The following ADAP2 variants were observed in gnomAD, a reference collection of about 807,000 sequenced individuals.
ADAP2 encodes ArfGAP with dual PH domains 2.
In ADAP2, 42 loss-of-function variants were observed where a neutral mutation model predicts 54.9. The observed-to-expected ratio is 0.77, with a 90% CI of 0.60 to 0.99. The LOEUF (loss-of-function observed/expected upper bound fraction) is 0.99, where lower values mean the gene tolerates loss of function less well. Among genes scored for constraint, ADAP2 ranks in the 50% least tolerant of loss-of-function variants. The probability of loss-of-function intolerance (pLI) is 0.00; values close to 1 mark genes in which losing one functional copy is unlikely to be tolerated. For missense variants in ADAP2, 429 were observed against 480.4 expected (o/e 0.89, Z 1.00); for synonymous variants, 177 against 180.1 (o/e 0.98, Z 0.14).
At chr17:30,942,876 G>A (rs967977323) in intron 5 of ADAP2, among the ~76,000 whole-genome samples, 1 of 152,190 alleles carries the variant, frequency 6.6e-6, no homozygotes, top group Non-Finnish European at 1.5e-5. Flanking sequence ...CAGAATGACT[G>A]TTATCAAAAA....
chr17:30,953,770 C>A (rs1056890053), intron 8 of ADAP2, among the ~76,000 whole-genome samples: 1 of 152,152 alleles, frequency 6.6e-6, no homozygotes, highest in Non-Finnish European at 1.5e-5. Flanking sequence ...CTCCTGACCT[C>A]AAGCGATCTG....
At chr17:30,951,654 C>CTT (rs1053982493) in intron 7 of ADAP2, among the ~76,000 whole-genome samples, 29 of 121,026 alleles carry the variant, frequency 2.4e-4, no homozygotes, top group Non-Finnish European at 3.4e-4. Flanking sequence ...CTTTTCTTTT[C>CTT]TTTTTTTTTT....
chr17:30,949,702 T>C (rs1265143450), intron 7 of ADAP2, among the ~76,000 whole-genome samples: 1 of 135,558 alleles, frequency 7.4e-6, no homozygotes, highest in Non-Finnish European at 1.5e-5. Context: ...TGAGCCCAGA[T>C]GGCGCCGCTG....
At position 30,928,394 on chromosome 17, in the gene ADAP2, G is replaced by A. The variant is rs568433133; in HGVS notation, c.317+1476G>A. Reference sequence around the variant, plus strand: ...GCCTGTAGTCCCAGCTACTCGAGAGGCTGAGGGAGGAGAATCGCTTGAACC... The same window carrying A: ...GCCTGTAGTCCCAGCTACTCGAGAGACTGAGGGAGGAGAATCGCTTGAACC... On this transcript the variant is annotated intron_variant, in intron 3 of 10. Coordinates refer to ENST00000330889, the MANE Select transcript of ADAP2 (RefSeq NM_018404.3). 2.7e-3 allele frequency among the ~76,000 whole-genome samples: 414 copies of A among 152,000 alleles called. 1 individual carries two copies. Among genetic ancestry groups the A allele is most frequent in the African/African-American group, 9.7e-3 (401 of 41,438 alleles).
chr17:30,923,607 T>C (rs573770019), intron 2 of ADAP2, among the ~76,000 whole-genome samples: 1 of 151,704 alleles, frequency 6.6e-6, no homozygotes, highest in Admixed American at 6.6e-5. Context: ...GGCCCTGAGC[T>C]AGGTACTTTG....
At chr17:30,927,799 C>T (rs1009041553) in intron 3 of ADAP2, among the ~76,000 whole-genome samples, 8 of 151,798 alleles carry the variant, frequency 5.3e-5, no homozygotes, top group Middle Eastern at 3.2e-3. Context: ...GTGGGAGGAT[C>T]GCTTGAAGAT....
At chr17:30,934,320 G>A (rs1457551495) in intron 5 of ADAP2, 23 bp downstream of exon 5, 1 of 1,546,112 alleles carries the variant, frequency 6.5e-7, no homozygotes, top group Admixed American at 1.7e-5. Flanking sequence ...ACCAATGAGA[G>A]CAGGTCCCTT....
Position 30,944,979 on chromosome 17 carries a change from C to A in ADAP2, c.583C>A (p.Pro195Thr), listed in dbSNP as rs905304009. 3.4e-5 allele frequency: 55 copies of A among 1,613,946 alleles called. No homozygotes were observed. Among genetic ancestry groups the A allele is most frequent in the Non-Finnish European group, 4.5e-5 (53 of 1,180,012 alleles). The change falls in exon 6 of 11, where the codon CCC becomes ACC. Residue 195 changes from proline to threonine, a missense_variant. Physicochemically the swap from Pro to Thr is conservative, Grantham distance 38. Coordinates refer to ENST00000330889, the MANE Select transcript of ADAP2 (RefSeq NM_018404.3). ...CTTCCAGACAGAGAAGATAGGGCAC[C>A]CCCATGGGCTGCAGATCACCTACAG... ...ATFQTEKIGH[P>T]HGLQITYRRD...
chr17:30,941,296 T>C (rs1912252947), intron 5 of ADAP2, among the ~76,000 whole-genome samples: 1 of 152,234 alleles, frequency 6.6e-6, no homozygotes, highest in Non-Finnish European at 1.5e-5. Flanking sequence ...ATTTTTTTCA[T>C]TGTAAATTGA....
At chr17:30,928,157 C>G (rs1911200842) in intron 3 of ADAP2, among the ~76,000 whole-genome samples, 1 of 142,310 alleles carries the variant, frequency 7.0e-6, no homozygotes, top group Admixed American at 7.2e-5. Flanking sequence ...CACGCCACTG[C>G]ACTCCAGCCT....
Position 30,928,350 on chromosome 17 carries a change from G to A in ADAP2, c.317+1432G>A, listed in dbSNP as rs371559812. ...GTCTCTACTAAAAATTAAAAAATTA[G>A]CTGGGCATGGTGGTACATGCCTGTA... On this transcript the variant is annotated intron_variant, in intron 3 of 10. Coordinates refer to ENST00000330889, the MANE Select transcript of ADAP2 (RefSeq NM_018404.3). Among the ~76,000 whole-genome samples the A allele has an allele frequency of 9.7e-4, 148 of 151,984 alleles. 1 individual carries two copies. The South Asian group carries it at 0.03, about 31-fold the overall frequency.
At position 30,957,826 on chromosome 17, in the gene ADAP2, C is replaced by A. The variant is rs370822081; in HGVS notation, c.1112-9C>A. 1.3e-5 allele frequency: 21 copies of A among 1,613,666 alleles called. No homozygotes were observed. Among genetic ancestry groups the A allele is most frequent in the Non-Finnish European group, 1.5e-5 (18 of 1,179,864 alleles). The stretch of plus-strand genomic sequence containing the variant: ...CCACCTCCCTCAGCCCTCTTCATTT[C>A]CCTTGCAGCTGCATCAACAGAGAGT... On this transcript the variant is annotated splice_polypyrimidine_tract_variant and intron_variant, in intron 10 of 10. Coordinates refer to ENST00000330889, the MANE Select transcript of ADAP2 (RefSeq NM_018404.3).
rs559451521 is a variant in ADAP2, at chr17:30,930,488, C to A, written c.318-1401C>A. Among the ~76,000 whole-genome samples, 3 of 152,340 alleles carry A rather than the reference C, an allele frequency of 2.0e-5. No homozygotes were observed. In the East Asian group the frequency reaches 5.8e-4, roughly 29 times the overall value. ...GGAAGGACCAAGCCAGGAGCTCACACACCATCAGGTCTCTCATACTCTCTC... is the reference window on the plus strand; with the variant it reads ...GGAAGGACCAAGCCAGGAGCTCACAAACCATCAGGTCTCTCATACTCTCTC... On this transcript the variant is annotated intron_variant, in intron 3 of 10. Transcript: ENST00000330889.
Position 30,940,734 on chromosome 17 carries a change from G to A in ADAP2, c.511-4173G>A, listed in dbSNP as rs190218212. Among the ~76,000 whole-genome samples, 434 of 152,336 alleles carry A rather than the reference G, an allele frequency of 2.8e-3. 1 individual carries two copies. Among genetic ancestry groups the A allele is most frequent in the Non-Finnish European group, 4.1e-3 (281 of 68,034 alleles). On this transcript the variant is annotated intron_variant, in intron 5 of 10. Transcript: ENST00000330889. ...ATTGCCCTTGTTTGATGAGAGAAATGTAGTTGAAGCATTGTCCTGGGGGAG... is the reference window on the plus strand; with the variant it reads ...ATTGCCCTTGTTTGATGAGAGAAATATAGTTGAAGCATTGTCCTGGGGGAG...
intron 4 of ADAP2, 121 bp from the exon 5 acceptor site, chr17:30,934,064 G>A (rs1272342373): frequency 3.0e-6 from 2 of 674,042 alleles, no homozygotes; most frequent in Middle Eastern, 4.1e-4. Flanking sequence ...GGAAGTCTGA[G>A]TGGAGATACT....
chr17:30,922,280 G>A (rs1163469513), intron 1 of ADAP2, among the ~76,000 whole-genome samples, 172 bp downstream of exon 1: 7 of 147,852 alleles, frequency 4.7e-5, no homozygotes, highest in Admixed American at 1.3e-4. Context: ...CGAGCCCCGA[G>A]GGCCGTCTCC....
Position 30,959,103 on chromosome 17 carries a change from CT to C in ADAP2, c.*1235del, listed in dbSNP as rs1905274602. 1 of 152,180 alleles carries C rather than the reference CT, an allele frequency of 6.6e-6. No homozygotes were observed. Among genetic ancestry groups the C allele is most frequent in the African/African-American group, 2.4e-5 (1 of 41,436 alleles). 9.4% of individuals were successfully genotyped at this position (152,180 alleles called of 1,614,324 possible). A position where few individuals can be genotyped will look rare whatever the true frequency, so the allele number is the denominator to read the frequency against. On this transcript the variant is annotated 3_prime_UTR_variant, in exon 11 of 11. Transcript: ENST00000330889. ...GTGCATTAAGGGCCAGTTTACTTGT[CT>C]GCCTCTTTGACCACCTGTGAACTCT... is the stretch of plus-strand genomic sequence containing the variant.
At chr17:30,953,614 G>A (rs1415071351) in intron 8 of ADAP2, among the ~76,000 whole-genome samples, 2 of 151,486 alleles carry the variant, frequency 1.3e-5, no homozygotes, top group African/African-American at 4.9e-5. Flanking sequence ...TCGGCTCACT[G>A]CAACCTCCGC....
chr17:30,927,104 G>A (rs1333151987), intron 3 of ADAP2, among the ~76,000 whole-genome samples, 186 bp downstream of exon 3: 1 of 152,086 alleles, frequency 6.6e-6, no homozygotes, highest in African/African-American at 2.4e-5. Context: ...GCCTCTTTCT[G>A]CCTCTGTTGC....
Sources: gnomAD v4.1 joint callset for allele counts (sites outside exome capture counted in the v4.1 genomes callset) on GRCh38, gnomAD v4.1.1 for gene constraint, MANE v1.5 for transcripts, NCBI Gene and HGNC (gene_info 2026-07-23, HGNC 2026-07-21) for gene names.